The following SSBP2 variants were observed in gnomAD, a reference collection of about 807,000 sequenced individuals.
The protein encoded by SSBP2 is single-stranded DNA-binding protein 2.
A neutral mutation model predicts 61.8 loss-of-function variants in SSBP2; 17 were observed. The ratio of observed to expected loss-of-function variants is 0.28; its 90% CI spans 0.19 to 0.41. The LOEUF is 0.41. SSBP2 is among the 10% of genes least tolerant of loss of function. The pLI is 1.00. For missense variants in SSBP2, 310 were observed against 458.7 expected (o/e 0.68, Z 2.96); for synonymous variants, 139 against 141.3 (o/e 0.98, Z 0.12).
chr5:81,677,495 G>A (rs1168028529), intron 1 of SSBP2, among the ~76,000 whole-genome samples: 1 of 152,068 alleles, frequency 6.6e-6, no homozygotes, highest in Non-Finnish European at 1.5e-5. Context: ...AATTGCTGGA[G>A]GCTCAGCGTG....
intron 15 of SSBP2, among the ~76,000 whole-genome samples, chr5:81,434,543 C>T (rs545030035): frequency 2.8e-5 from 4 of 141,332 alleles, no homozygotes; most frequent in Non-Finnish European, 6.0e-5. Context: ...GCAGGAGAAT[C>T]GTTTGAACCC....
chr5:81,522,223 G>C (rs1769545919), intron 4 of SSBP2, among the ~76,000 whole-genome samples: 1 of 151,942 alleles, frequency 6.6e-6, no homozygotes, highest in African/African-American at 2.4e-5. Context: ...CTTACAAATG[G>C]CATTATTTGA....
At chr5:81,581,586 G>C (rs750992912) in intron 4 of SSBP2, among the ~76,000 whole-genome samples, 3 of 152,156 alleles carry the variant, frequency 2.0e-5, no homozygotes, top group African/African-American at 7.2e-5. Context: ...TTTGCTGGGA[G>C]AATCTATCAG....
intron 4 of SSBP2, among the ~76,000 whole-genome samples, chr5:81,591,648 G>A (rs970928817): frequency 1.3e-5 from 2 of 152,096 alleles, no homozygotes; most frequent in Non-Finnish European, 2.9e-5. Flanking sequence ...GATGAAGACT[G>A]TCTTTGACAA....
At chr5:81,550,621 G>C (rs1300559971) in intron 4 of SSBP2, among the ~76,000 whole-genome samples, 1 of 151,986 alleles carries the variant, frequency 6.6e-6, no homozygotes, top group Non-Finnish European at 1.5e-5. Flanking sequence ...GAGCAGAATG[G>C]GACAATCTGA....
chr5:81,488,417 A>G (rs1034383997), intron 6 of SSBP2, among the ~76,000 whole-genome samples: 5 of 151,900 alleles, frequency 3.3e-5, no homozygotes, highest in African/African-American at 1.2e-4. Flanking sequence ...AGCCATCCTT[A>G]CAGCTGTGTG....
intron 12 of SSBP2, among the ~76,000 whole-genome samples, chr5:81,443,974 TC>T (rs1398597713): frequency 6.6e-6 from 1 of 152,230 alleles, no homozygotes; most frequent in African/African-American, 2.4e-5. Context: ...CAATTACTTT[TC>T]CTTTTACTGT....
intron 1 of SSBP2, among the ~76,000 whole-genome samples, chr5:81,727,006 T>C (rs1755932101): frequency 6.6e-6 from 1 of 152,140 alleles, no homozygotes; most frequent in Admixed American, 6.5e-5. Context: ...CCAGCGTCAT[T>C]GGGAAAGGAA....
chr5:81,554,268 T>C (rs184656922), intron 4 of SSBP2, among the ~76,000 whole-genome samples: 74 of 152,086 alleles, frequency 4.9e-4, no homozygotes, highest in African/African-American at 1.7e-3. Flanking sequence ...CACTTCTCCT[T>C]AAAAAATTCT....
In SSBP2 at chr5:81,738,949, G is replaced by T. The variant is rs993522475; in HGVS notation, c.62+12032C>A. On this transcript the variant is annotated intron_variant, in intron 1 of 16. Transcript: ENST00000320672. ...GGTGGCTGAGGTGGGTGGATCACTC[G>T]AGGTCAGGAGTTCGAGACCAGCCTG... Among the ~76,000 whole-genome samples, 12 of 152,000 alleles carry T rather than the reference G, an allele frequency of 7.9e-5. No homozygotes were observed. In the East Asian group the frequency reaches 2.1e-3, roughly 27 times the overall value.
At chr5:81,654,948 G>A (rs758429204) in intron 1 of SSBP2, among the ~76,000 whole-genome samples, 1 of 151,732 alleles carries the variant, frequency 6.6e-6, no homozygotes, top group Non-Finnish European at 1.5e-5. Context: ...ACCAGCCTGG[G>A]CAACACAGCA....
At chr5:81,437,169 T>C (rs916795112) in intron 15 of SSBP2, among the ~76,000 whole-genome samples, 4 of 151,298 alleles carry the variant, frequency 2.6e-5, no homozygotes, top group African/African-American at 9.7e-5. Flanking sequence ...AATTTGTTAT[T>C]ACTTGGGTGT....
At chr5:81,496,828 T>C (rs1209495000) in intron 5 of SSBP2, among the ~76,000 whole-genome samples, 3 of 152,238 alleles carry the variant, frequency 2.0e-5, no homozygotes. Flanking sequence ...ACCTTTAGAA[T>C]AACGGCAGAT....
chr5:81,642,792 C>A (rs1018682111), intron 2 of SSBP2, among the ~76,000 whole-genome samples: 9 of 152,054 alleles, frequency 5.9e-5, no homozygotes, highest in Admixed American at 1.3e-4. Flanking sequence ...CAATATAACA[C>A]AATTTCCAAA....
At chr5:81,441,815 A>C (rs1181207825) in intron 13 of SSBP2, among the ~76,000 whole-genome samples, 1 of 152,232 alleles carries the variant, frequency 6.6e-6, no homozygotes, top group African/African-American at 2.4e-5. Flanking sequence ...TAAGGCATAT[A>C]TAAGTCAAAG....
At chr5:81,625,660 C>G (rs1747069818) in intron 3 of SSBP2, among the ~76,000 whole-genome samples, 2 of 152,024 alleles carry the variant, frequency 1.3e-5, no homozygotes, top group Non-Finnish European at 2.9e-5. Flanking sequence ...ACGGCATTCC[C>G]AAGTTGAAGA....
intron 4 of SSBP2, among the ~76,000 whole-genome samples, chr5:81,569,442 T>C (rs1365258268): frequency 6.6e-6 from 1 of 152,180 alleles, no homozygotes; most frequent in Non-Finnish European, 1.5e-5. Context: ...ATACACATAG[T>C]ATATGTATGT....
chr5:81,630,836 A>G (rs748474242), intron 3 of SSBP2, among the ~76,000 whole-genome samples: 13 of 152,106 alleles, frequency 8.5e-5, no homozygotes, highest in Non-Finnish European at 1.3e-4. Context: ...CAGTGTAGGA[A>G]TAAGTTAAAT....
chr5:81,639,718 C>T (rs1166242033), intron 2 of SSBP2, among the ~76,000 whole-genome samples: 2 of 151,682 alleles, frequency 1.3e-5, no homozygotes, highest in Non-Finnish European at 2.9e-5. Context: ...GTAAAATATG[C>T]CCAGAGGCCC....
Sources: allele counts gnomAD v4.1 joint callset (sites outside exome capture counted in the v4.1 genomes callset), GRCh38; gene constraint gnomAD v4.1.1; transcripts MANE v1.5; gene names NCBI Gene and HGNC (gene_info 2026-07-23, HGNC 2026-07-21).